Variants in LDLRAD4 observed in about 807,000 individuals in gnomAD.
The protein encoded by LDLRAD4 is low-density lipoprotein receptor class A domain-containing protein 4.
LDLRAD4 carries 5 observed loss-of-function variants against 17.0 expected under a neutral mutation model. The observed-to-expected ratio is 0.29, with a 90% CI of 0.15 to 0.62. The LOEUF is 0.62. Ranked by LOEUF, LDLRAD4 falls within the 20% of genes least tolerant of loss-of-function variation. LDLRAD4 has a pLI of 0.84. For synonymous variants in LDLRAD4, 168 were observed against 171.8 expected (o/e 0.98, Z 0.17); for missense variants, 340 against 424.7 (o/e 0.80, Z 1.75).
At chr18:13,596,755 A>G (rs2095101061) in intron 3 of LDLRAD4, among the ~76,000 whole-genome samples, 1 of 152,156 alleles carries the variant, frequency 6.6e-6, no homozygotes, top group Non-Finnish European at 1.5e-5. Context: ...TACCTTTTCT[A>G]GTTCTCTTCA....
At chr18:13,269,868 C>T (rs12604331) in intron 1 of LDLRAD4, among the ~76,000 whole-genome samples, 27,653 of 152,236 alleles carry the variant, frequency 0.18, 2,821 homozygotes, top group Admixed American at 0.3. Context: ...TCCCATGTGG[C>T]CCTGTCCGTC....
intron 2 of LDLRAD4, among the ~76,000 whole-genome samples, chr18:13,421,882 T>C (rs1040547625): frequency 6.6e-6 from 1 of 151,424 alleles, no homozygotes; most frequent in South Asian, 2.1e-4. Flanking sequence ...TGGGCAGGAG[T>C]CCTCGCTGCA....
chr18:13,265,517 C>T (rs1350100198), intron 1 of LDLRAD4, among the ~76,000 whole-genome samples: 1 of 152,218 alleles, frequency 6.6e-6, no homozygotes, highest in East Asian at 1.9e-4. Context: ...CGCAATTTGT[C>T]AAAACGTGTG....
At chr18:13,221,612 T>C (rs981335545) in intron 1 of LDLRAD4, among the ~76,000 whole-genome samples, 1 of 152,232 alleles carries the variant, frequency 6.6e-6, no homozygotes, top group African/African-American at 2.4e-5. Context: ...AGCTAGTACC[T>C]GTACTATTAA....
intron 1 of LDLRAD4, among the ~76,000 whole-genome samples, chr18:13,383,787 C>T (rs950206040): frequency 6.6e-6 from 1 of 152,090 alleles, no homozygotes; most frequent in Non-Finnish European, 1.5e-5. Flanking sequence ...TACTGAGTGC[C>T]GCTGGGTTCT....
chr18:13,506,969 A>G (rs1290031345), intron 3 of LDLRAD4, among the ~76,000 whole-genome samples: 1 of 152,182 alleles, frequency 6.6e-6, no homozygotes, highest in Non-Finnish European at 1.5e-5. Context: ...CTTCACAGAT[A>G]CCGTGTTTTT....
At chr18:13,552,552 G>T (rs1398155720) in intron 3 of LDLRAD4, among the ~76,000 whole-genome samples, 1 of 152,154 alleles carries the variant, frequency 6.6e-6, no homozygotes, top group African/African-American at 2.4e-5. Flanking sequence ...CTCCTCTCTG[G>T]TTGCTGGTGC....
At chr18:13,301,310 T>A (rs554568412) in intron 1 of LDLRAD4, among the ~76,000 whole-genome samples, 3 of 152,274 alleles carry the variant, frequency 2.0e-5, no homozygotes, top group African/African-American at 7.2e-5. Flanking sequence ...CAGAGTAACC[T>A]GTGCTGGACC....
At chr18:13,325,902 G>A (rs950785585) in intron 1 of LDLRAD4, among the ~76,000 whole-genome samples, 3 of 152,006 alleles carry the variant, frequency 2.0e-5, no homozygotes, top group Admixed American at 6.5e-5. Flanking sequence ...ACAGGTGCCC[G>A]CCACCGTGCC....
chr18:13,598,751 T>C (rs1356637865), intron 3 of LDLRAD4, among the ~76,000 whole-genome samples: 1 of 152,230 alleles, frequency 6.6e-6, no homozygotes, highest in Non-Finnish European at 1.5e-5. Flanking sequence ...TGGAACTCTT[T>C]GTTCTTATGG....
intron 1 of LDLRAD4, among the ~76,000 whole-genome samples, chr18:13,385,170 A>T (rs957066097): frequency 6.6e-6 from 1 of 152,182 alleles, no homozygotes; most frequent in Admixed American, 6.5e-5. Flanking sequence ...TTTGATAATG[A>T]CCATTCTAAT....
chr18:13,365,449 G>C (rs954685917), intron 1 of LDLRAD4, among the ~76,000 whole-genome samples: 1 of 152,232 alleles, frequency 6.6e-6, no homozygotes, highest in African/African-American at 2.4e-5. Flanking sequence ...GTAGTGCGCT[G>C]TGAGAGTGGT....
intron 1 of LDLRAD4, among the ~76,000 whole-genome samples, chr18:13,238,114 G>A (rs1191961265): frequency 6.6e-6 from 1 of 152,172 alleles, no homozygotes; most frequent in Non-Finnish European, 1.5e-5. Context: ...AGGAACTATT[G>A]GGAACTGTAA....
At chr18:13,541,461 C>A (rs1225305475) in intron 3 of LDLRAD4, among the ~76,000 whole-genome samples, 1 of 152,162 alleles carries the variant, frequency 6.6e-6, no homozygotes. Context: ...GGTGTGTGTA[C>A]CGAGATTACT....
intron 3 of LDLRAD4, among the ~76,000 whole-genome samples, chr18:13,608,884 G>GA (rs1171533309): frequency 3.9e-5 from 6 of 152,324 alleles, no homozygotes; most frequent in Admixed American, 3.9e-4. Context: ...AGGAAACCTT[G>GA]AAGAGATATC....
chr18:13,236,307 C>CTTTTTTTTTTTTT (rs777785875), intron 1 of LDLRAD4: 2 of 113,384 alleles, frequency 1.8e-5, no homozygotes, highest in African/African-American at 7.7e-5. Context: ...AATAGAAAAA[C>CTTTTTTTTTTTTT]TTTTTTTTTT....
chr18:13,354,816 G>T (rs915706715), intron 1 of LDLRAD4, among the ~76,000 whole-genome samples: 2 of 152,208 alleles, frequency 1.3e-5, no homozygotes, highest in African/African-American at 2.4e-5. Context: ...GGCTTGTGCT[G>T]TTAGATGAAG....
chr18:13,562,149 T>C (rs961613781), intron 3 of LDLRAD4, among the ~76,000 whole-genome samples: 5 of 152,256 alleles, frequency 3.3e-5, no homozygotes, highest in Non-Finnish European at 7.3e-5. Flanking sequence ...TTGCTTGATG[T>C]CTCTGAGTTT....
Position 13,643,359 on chromosome 18 carries a change from GA to G in LDLRAD4, c.339del (p.Cys115AlafsTer91). Reference sequence around the variant, plus strand: ...CTCTCCTCCCCTTCCCCTCCGCCAGGAAGGGTGCCTGTGGCCTTCAGACAGC... The same window carrying G: ...CTCTCCTCCCCTTCCCCTCCGCCAGGAGGGTGCCTGTGGCCTTCAGACAGC... On this transcript the variant is annotated frameshift_variant and splice_region_variant, in exon 5 of 6. Transcript: ENST00000359446. LOFTEE classifies it high-confidence loss of function. The G allele has an allele frequency of 6.8e-7, 1 of 1,463,024 alleles. No individual in the cohort carries two copies. Among genetic ancestry groups the G allele is most frequent in the Non-Finnish European group, 9.1e-7 (1 of 1,102,748 alleles). 90.6% of individuals were successfully genotyped at this position (1,463,024 alleles called of 1,614,324 possible).
Sources: gnomAD v4.1 joint callset for allele counts (sites outside exome capture counted in the v4.1 genomes callset) on GRCh38, gnomAD v4.1.1 for gene constraint, MANE v1.5 for transcripts, NCBI Gene and HGNC (gene_info 2026-07-23, HGNC 2026-07-21) for gene names.